Variants in HDAC9 observed in about 807,000 individuals in gnomAD.
HDAC9 encodes the protein MEF-2 interacting transcription repressor (MITR) protein.
HDAC9 carries 41 observed loss-of-function variants against 139.4 expected under a neutral mutation model. The ratio of observed to expected loss-of-function variants is 0.29; its 90% CI spans 0.23 to 0.38. The LOEUF (loss-of-function observed/expected upper bound fraction) is 0.38. Among genes scored for constraint, HDAC9 ranks in the 10% least tolerant of loss-of-function variants. The pLI is 1.00. For missense variants in HDAC9, 1,147 were observed against 1,297.0 expected (o/e 0.88, Z 1.78); for synonymous variants, 517 against 476.2 (o/e 1.09, Z -1.12).
intron 17 of HDAC9, among the ~76,000 whole-genome samples, chr7:18,828,943 C>G (rs1168683404): frequency 6.6e-6 from 1 of 152,204 alleles, no homozygotes; most frequent in African/African-American, 2.4e-5. Flanking sequence ...CGACTCGGAG[C>G]CTTCTTTTGG....
intron 17 of HDAC9, among the ~76,000 whole-genome samples, chr7:18,814,757 C>T (rs896241478): frequency 6.6e-6 from 1 of 152,112 alleles, no homozygotes; most frequent in Non-Finnish European, 1.5e-5. Context: ...TTGTTGGTAG[C>T]TATTCTACTA....
chr7:18,355,749 G>A (rs1562910328), intron 1 of HDAC9, among the ~76,000 whole-genome samples: 1 of 152,136 alleles, frequency 6.6e-6, no homozygotes, highest in Non-Finnish European at 1.5e-5. Flanking sequence ...CCCATTTCGT[G>A]ACACTGATCA....
chr7:18,372,433 A>T (rs1229685016), intron 1 of HDAC9, among the ~76,000 whole-genome samples: 2 of 152,186 alleles, frequency 1.3e-5, no homozygotes, highest in African/African-American at 4.8e-5. Context: ...AGCTGGTGAG[A>T]CAAGGTAGTC....
At chr7:18,837,742 G>C (rs1177256568) in intron 21 of HDAC9, among the ~76,000 whole-genome samples, 2 of 152,056 alleles carry the variant, frequency 1.3e-5, no homozygotes, top group Non-Finnish European at 2.9e-5. Flanking sequence ...CGGTGGATGA[G>C]ATTTTTTTCT....
At chr7:18,124,657 G>C (rs558211161) in intron 1 of HDAC9, among the ~76,000 whole-genome samples, 1 of 152,084 alleles carries the variant, frequency 6.6e-6, no homozygotes, top group Non-Finnish European at 1.5e-5. Flanking sequence ...GTTTTTGGAC[G>C]TCATGGGTTC....
intron 1 of HDAC9, among the ~76,000 whole-genome samples, chr7:18,114,965 A>G (rs183243387): frequency 1.4e-4 from 21 of 152,324 alleles, no homozygotes; most frequent in African/African-American, 4.8e-4. Context: ...GGGAGCATAG[A>G]GTATAGATTA....
intron 13 of HDAC9, among the ~76,000 whole-genome samples, chr7:18,731,318 G>T (rs557373450): frequency 1.1e-4 from 16 of 152,032 alleles, no homozygotes; most frequent in Non-Finnish European, 2.2e-4. Flanking sequence ...CAAGGTAGCG[G>T]ACACAGACAC....
At chr7:18,767,300 G>C (rs1789913605) in intron 16 of HDAC9, 145 bp downstream of exon 16, 1 of 486,722 alleles carries the variant, frequency 2.1e-6, no homozygotes, top group Admixed American at 4.2e-5. Flanking sequence ...GCAGAGCTAA[G>C]TGCCAAGTAA....
chr7:18,325,373 A>G (rs1800357929), intron 1 of HDAC9: 1 of 152,140 alleles, frequency 6.6e-6, no homozygotes, highest in Non-Finnish European at 1.5e-5. Context: ...CCTCCTTTTA[A>G]TAGGACTGAT....
intron 1 of HDAC9, among the ~76,000 whole-genome samples, chr7:18,129,439 A>G (rs1343508153): frequency 2.0e-5 from 3 of 152,088 alleles, no homozygotes; most frequent in Admixed American, 2.0e-4. Flanking sequence ...GAACCTATAA[A>G]ATGAGTCAGC....
chr7:18,563,416 TTA>T (rs1821219748), intron 2 of HDAC9, among the ~76,000 whole-genome samples: 4 of 152,020 alleles, frequency 2.6e-5, no homozygotes, highest in Admixed American at 2.6e-4. Context: ...TATTCAATGG[TTA>T]TGTTTTTGTT....
Position 18,697,762 on chromosome 7 carries a change from A to G in HDAC9, c.1732-29818A>G, listed in dbSNP as rs1184912828. ...TGAGCTGAGAGTTTAGAGTTCAAAC[A>G]TTTCTTACTTTGGATCGAAATGGAA... On this transcript the variant is annotated intron_variant, in intron 12 of 25. Coordinates refer to ENST00000686413, the MANE Select transcript of HDAC9 (RefSeq NM_178425.4). Among the ~76,000 whole-genome samples the G allele has an allele frequency of 4.0e-5, 6 of 151,880 alleles. No homozygotes were observed. The East Asian group carries it at 1.2e-3, about 30-fold the overall frequency.
At chr7:18,724,955 T>C (rs1441831351) in intron 12 of HDAC9, among the ~76,000 whole-genome samples, 1 of 152,176 alleles carries the variant, frequency 6.6e-6, no homozygotes, top group African/African-American at 2.4e-5. Flanking sequence ...GCAATTAATG[T>C]GTGTTCAAAA....
intron 1 of HDAC9, among the ~76,000 whole-genome samples, chr7:18,438,501 A>G (rs1387164607): frequency 3.3e-5 from 5 of 152,192 alleles, no homozygotes; most frequent in African/African-American, 1.2e-4. Flanking sequence ...TCATGCATGT[A>G]GAGTTTTTAT....
chr7:18,919,605 G>A (rs1803508686), intron 22 of HDAC9, among the ~76,000 whole-genome samples: 1 of 151,956 alleles, frequency 6.6e-6, no homozygotes, highest in Non-Finnish European at 1.5e-5. Flanking sequence ...GGGATTAAAG[G>A]GAAGAAGAAA....
At chr7:18,733,210 T>C (rs1786535461) in intron 13 of HDAC9, among the ~76,000 whole-genome samples, 1 of 148,590 alleles carries the variant, frequency 6.7e-6, no homozygotes, top group Non-Finnish European at 1.5e-5. Flanking sequence ...TGTATACATG[T>C]GTCTATACGT....
intron 22 of HDAC9, among the ~76,000 whole-genome samples, chr7:18,888,385 A>G (rs1322957991): frequency 6.6e-6 from 1 of 152,224 alleles, no homozygotes; most frequent in African/African-American, 2.4e-5. Flanking sequence ...AGAGCGTGTC[A>G]CTGCACTCCA....
chr7:18,533,662 G>A (rs911953572), intron 2 of HDAC9, among the ~76,000 whole-genome samples: 3 of 151,622 alleles, frequency 2.0e-5, no homozygotes, highest in South Asian at 2.1e-4. Context: ...TCATTTTCTC[G>A]GTTATTCTAT....
chr7:18,396,352 T>C (rs530980911), intron 1 of HDAC9, among the ~76,000 whole-genome samples: 1 of 152,198 alleles, frequency 6.6e-6, no homozygotes, highest in South Asian at 2.1e-4. Flanking sequence ...TGAAAAGAAC[T>C]ACGCAGGTAT....
Sources: gnomAD v4.1 joint callset for allele counts (sites outside exome capture counted in the v4.1 genomes callset) on GRCh38, gnomAD v4.1.1 for gene constraint, MANE v1.5 for transcripts, NCBI Gene and HGNC (gene_info 2026-07-23, HGNC 2026-07-21) for gene names.